CDKAL1: variants seen among roughly 807,000 people sequenced by gnomAD.
The protein encoded by CDKAL1 is threonylcarbamoyladenosine tRNA methylthiotransferase.
In CDKAL1, 32 loss-of-function variants were observed where a neutral mutation model predicts 68.2. That is an observed-to-expected ratio of 0.47 (90% CI 0.35 to 0.63). CDKAL1 has a LOEUF of 0.63. Among genes scored for constraint, CDKAL1 ranks in the 30% least tolerant of loss-of-function variants. CDKAL1 has a pLI of 0.00. For missense variants in CDKAL1, 606 were observed against 696.7 expected (o/e 0.87, Z 1.47); for synonymous variants, 234 against 244.3 (o/e 0.96, Z 0.39).
At chr6:21,201,774 T>C (rs1486059696) in intron 15 of CDKAL1, among the ~76,000 whole-genome samples, 2 of 152,196 alleles carry the variant, frequency 1.3e-5, no homozygotes, top group Non-Finnish European at 2.9e-5. Flanking sequence ...TAAACATTTT[T>C]TTCTTTCTAT....
intron 8 of CDKAL1, among the ~76,000 whole-genome samples, chr6:20,793,370 A>C (rs1775979145): frequency 6.6e-6 from 1 of 152,166 alleles, no homozygotes. Flanking sequence ...TGATGTTGAC[A>C]CATTGCACGC....
chr6:20,977,528 A>C (rs1384012709), intron 10 of CDKAL1, among the ~76,000 whole-genome samples: 1 of 152,162 alleles, frequency 6.6e-6, no homozygotes, highest in South Asian at 2.1e-4. Flanking sequence ...AGTTTGGTCT[A>C]TATTATCTCC....
At chr6:21,206,863 CAGTA>C (rs1366917697) in intron 15 of CDKAL1, among the ~76,000 whole-genome samples, 2 of 151,982 alleles carry the variant, frequency 1.3e-5, no homozygotes, top group Non-Finnish European at 2.9e-5. Flanking sequence ...AGAAAGAATT[CAGTA>C]AGTATCACTT....
chr6:21,168,241 GCTC>G (rs941967876), intron 13 of CDKAL1, among the ~76,000 whole-genome samples: 3 of 152,190 alleles, frequency 2.0e-5, no homozygotes, highest in African/African-American at 7.2e-5. Flanking sequence ...CCAGCCTTCT[GCTC>G]CTCCTCCTCC....
chr6:21,050,497 A>AAG (rs1355188017), intron 11 of CDKAL1, among the ~76,000 whole-genome samples: 1 of 152,214 alleles, frequency 6.6e-6, no homozygotes, highest in African/African-American at 2.4e-5. Flanking sequence ...GCTTTCAGTC[A>AAG]AGAGAGGACA....
intron 11 of CDKAL1, among the ~76,000 whole-genome samples, chr6:21,026,182 G>A (rs1768943829): frequency 6.6e-6 from 1 of 151,968 alleles, no homozygotes. Context: ...ATAAATATAT[G>A]TAATATTGTT....
chr6:21,089,336 G>A (rs541285297), intron 12 of CDKAL1, among the ~76,000 whole-genome samples: 2 of 152,068 alleles, frequency 1.3e-5, no homozygotes, highest in African/African-American at 4.8e-5. Flanking sequence ...AATTAGCCAG[G>A]TGTGGTGGTG....
At position 20,770,951 on chromosome 6, in the gene CDKAL1, C is replaced by G. The variant is rs527360246; in HGVS notation, c.518-10194C>G. On this transcript the variant is annotated intron_variant, in intron 7 of 15. Coordinates refer to ENST00000274695, the MANE Select transcript of CDKAL1 (RefSeq NM_017774.3). ...TTTCCCTGGGAGAGTTGACCACTCC[C>G]TTGTGGTGTCTCTCTGTACTTAGAA... Among the ~76,000 whole-genome samples the G allele has an allele frequency of 3.3e-5, 5 of 152,278 alleles. No homozygotes were observed. In the East Asian group the frequency reaches 9.7e-4, roughly 29 times the overall value.
intron 8 of CDKAL1, among the ~76,000 whole-genome samples, chr6:20,812,521 CTATTT>C (rs1206608154): frequency 2.6e-5 from 4 of 152,244 alleles, no homozygotes; most frequent in East Asian, 1.9e-4. Context: ...TTTTCTTTTG[CTATTT>C]TATAACTCAT....
chr6:20,588,662 CT>C (rs2127698130), intron 4 of CDKAL1, among the ~76,000 whole-genome samples: 1 of 152,224 alleles, frequency 6.6e-6, no homozygotes, highest in South Asian at 2.1e-4. Context: ...CCTTGGCAGT[CT>C]TTCAAAAGTT....
chr6:21,167,989 G>T (rs1409237967), intron 13 of CDKAL1, among the ~76,000 whole-genome samples: 1 of 152,108 alleles, frequency 6.6e-6, no homozygotes, highest in Non-Finnish European at 1.5e-5. Flanking sequence ...TTGCAGAACT[G>T]GCAAAGCATT....
Position 20,601,771 on chromosome 6 carries a change from G to A in CDKAL1, c.287-47522G>A, listed in dbSNP as rs148480866. Among the ~76,000 whole-genome samples the A allele has an allele frequency of 3.4e-4, 52 of 152,280 alleles. No homozygotes were observed. The East Asian group carries it at 8.3e-3, about 24-fold the overall frequency. On this transcript the variant is annotated intron_variant, in intron 4 of 15. Coordinates refer to ENST00000274695, the MANE Select transcript of CDKAL1 (RefSeq NM_017774.3). ...TTTATAGCTAAAATAACCGAGGCCC[G>A]CAGAGATTGGGAGATGTGTGTGAAG...
At chr6:20,633,709 A>G (rs1767773514) in intron 4 of CDKAL1, among the ~76,000 whole-genome samples, 1 of 152,230 alleles carries the variant, frequency 6.6e-6, no homozygotes, top group South Asian at 2.1e-4. Flanking sequence ...TTAAAAAAGT[A>G]TAGCCATCCT....
intron 5 of CDKAL1, among the ~76,000 whole-genome samples, chr6:20,659,602 G>A (rs75500347): frequency 0.022 from 3,321 of 152,122 alleles, 44 homozygotes; most frequent in Non-Finnish European, 0.032. Context: ...CCACTGTTTG[G>A]ATATTGTCTG....
chr6:20,936,759 T>C (rs1253142543), intron 9 of CDKAL1, among the ~76,000 whole-genome samples: 1 of 152,198 alleles, frequency 6.6e-6, no homozygotes, highest in Non-Finnish European at 1.5e-5. Context: ...TTGATGGATT[T>C]TTAAAAATAG....
At chr6:20,799,007 T>C (rs1776239090) in intron 8 of CDKAL1, among the ~76,000 whole-genome samples, 1 of 140,314 alleles carries the variant, frequency 7.1e-6, no homozygotes, top group Non-Finnish European at 1.5e-5. Flanking sequence ...GAGAGGAAAA[T>C]GGGCCTGGGC....
intron 12 of CDKAL1, among the ~76,000 whole-genome samples, chr6:21,088,040 G>A (rs141494670): frequency 1.1e-4 from 17 of 152,220 alleles, no homozygotes; most frequent in African/African-American, 3.9e-4. Context: ...AGGGATATAA[G>A]TTCTCATTTT....
intron 8 of CDKAL1, among the ~76,000 whole-genome samples, chr6:20,815,894 G>A (rs1400817352): frequency 6.6e-6 from 1 of 152,070 alleles, no homozygotes; most frequent in Non-Finnish European, 1.5e-5. Flanking sequence ...TCACAACCTG[G>A]GTGGTTTAAA....
chr6:21,201,621 G>A (rs1324311184), intron 15 of CDKAL1, among the ~76,000 whole-genome samples: 1 of 152,114 alleles, frequency 6.6e-6, no homozygotes, highest in Non-Finnish European at 1.5e-5. Flanking sequence ...GAAGAAAGGG[G>A]TGTTTTCTTG....
Sources: gnomAD v4.1 joint callset for allele counts (sites outside exome capture counted in the v4.1 genomes callset) on GRCh38, gnomAD v4.1.1 for gene constraint, MANE v1.5 for transcripts, NCBI Gene and HGNC (gene_info 2026-07-23, HGNC 2026-07-21) for gene names.